TAF2: variants seen among roughly 807,000 people sequenced by gnomAD.
The protein encoded by TAF2 is TATA-box binding protein associated factor 2.
Under a neutral mutation model 138.5 loss-of-function variants are expected in TAF2, and 61 were observed. That is an observed-to-expected ratio of 0.44 (90% CI 0.36 to 0.54). The LOEUF (loss-of-function observed/expected upper bound fraction) is 0.54. Among genes scored for constraint, TAF2 ranks in the 20% least tolerant of loss-of-function variants. The pLI is 0.00. For missense variants in TAF2, 1,090 were observed against 1,427.9 expected, an observed-to-expected ratio of 0.76 and a Z score of 3.81; for synonymous variants, 475 against 469.9, an observed-to-expected ratio of 1.01 and a Z score of -0.14.
At chr8:119,826,064 G>T (rs1826078477) in intron 2 of TAF2, among the ~76,000 whole-genome samples, 1 of 151,808 alleles carries the variant, frequency 6.6e-6, no homozygotes, top group Non-Finnish European at 1.5e-5. Flanking sequence ...TGAATAATGA[G>T]AACACATGGA....
Position 119,806,350 on chromosome 8 carries a change from C to T in TAF2, c.351G>A (p.Val117=). The change falls in exon 4 of 26, where the codon GTG becomes GTA. Residue 117 remains valine (V), a synonymous_variant. Transcript: ENST00000378164. Reference sequence around the variant, plus strand: ...GTTCTCCATTTCCTGCATCAGGGTCCACAGCACTAACTGCAGCTGCATAAG... The same window carrying T: ...GTTCTCCATTTCCTGCATCAGGGTCTACAGCACTAACTGCAGCTGCATAAG... ...SNAYAAAVSA[V]DPDAGNGELC... 1 of 1,614,008 alleles carries T rather than the reference C, an allele frequency of 6.2e-7. No individual in the cohort carries two copies. The highest frequency in any genetic ancestry group is 8.5e-7 in the Non-Finnish European group (1 of 1,179,986).
At chr8:119,732,240 A>G (rs1818925802) in intron 25 of TAF2, 54 bp from the exon 26 acceptor site, 6 of 1,561,240 alleles carry the variant, frequency 3.8e-6, no homozygotes, top group Non-Finnish European at 5.3e-6. Context: ...GGAAAGCCAG[A>G]CTAAAGAAAG....
chr8:119,782,619 T>TA (rs983077138), intron 16 of TAF2, among the ~76,000 whole-genome samples: 7 of 152,188 alleles, frequency 4.6e-5, no homozygotes, highest in Admixed American at 1.3e-4. Flanking sequence ...ATCAAGTTTT[T>TA]AAAAAATACC....
intron 2 of TAF2, among the ~76,000 whole-genome samples, chr8:119,820,185 A>T (rs1298622682): frequency 6.6e-6 from 1 of 152,352 alleles, no homozygotes; most frequent in East Asian, 1.9e-4. Flanking sequence ...TCTTGTATTG[A>T]ATCAATGGGA....
At chr8:119,767,346 G>A (rs1334105584) in intron 18 of TAF2, among the ~76,000 whole-genome samples, 1 of 152,186 alleles carries the variant, frequency 6.6e-6, no homozygotes, top group African/African-American at 2.4e-5. Context: ...GGGAATCATG[G>A]AAAGCAGAGG....
chr8:119,797,054 T>G lies in TAF2; in HGVS notation c.1027A>C (p.Arg343=), dbSNP rs1823876370. The G allele has an allele frequency of 6.2e-7, 1 of 1,613,294 alleles. No individual in the cohort carries two copies. The highest frequency in any genetic ancestry group is 8.5e-7 in the Non-Finnish European group (1 of 1,179,488). ...AMIIDETPLT[R]RCLAQSLAQQ... is the part of the protein sequence containing the mutation. ...GCCAAGGATTGGGCTAAACACCTTCTAGTCAAAGGTGTCTCATCTATAATC... is the reference window on the plus strand; with the variant it reads ...GCCAAGGATTGGGCTAAACACCTTCGAGTCAAAGGTGTCTCATCTATAATC... The change falls in exon 8 of 26, where the codon AGA becomes CGA. Residue 343 remains arginine, a synonymous_variant. Coordinates refer to ENST00000378164, the MANE Select transcript of TAF2 (RefSeq NM_003184.4).
At chr8:119,743,421 T>C (rs373775077) in intron 24 of TAF2, among the ~76,000 whole-genome samples, 1 of 151,418 alleles carries the variant, frequency 6.6e-6, no homozygotes, top group Non-Finnish European at 1.5e-5. Flanking sequence ...GGAAAGGCAG[T>C]AGAACAGGAC....
intron 3 of TAF2, among the ~76,000 whole-genome samples, chr8:119,807,161 A>G (rs1408907613): frequency 1.3e-5 from 2 of 152,238 alleles, no homozygotes; most frequent in Admixed American, 1.3e-4. Context: ...ATGTAATAGC[A>G]CCTACCTCCA....
At position 119,762,408 on chromosome 8, in the gene TAF2, A is replaced by T. The variant is rs1821126297; in HGVS notation, c.2558+7T>A. On this transcript the variant is annotated splice_region_variant and intron_variant, in intron 19 of 25. Transcript: ENST00000378164. ...ATATAACTTTAAAGTAAGGAATTTA[A>T]TCATACCTGACAGTGATGGTATGCC... 6.2e-7 allele frequency: 1 copy of T among 1,612,034 alleles called. No individual in the cohort carries two copies. Among genetic ancestry groups the T allele is most frequent in the South Asian group, 1.1e-5 (1 of 90,994 alleles).
intron 3 of TAF2, among the ~76,000 whole-genome samples, chr8:119,807,874 A>G (rs1824772608): frequency 6.6e-6 from 1 of 152,202 alleles, no homozygotes; most frequent in Admixed American, 6.5e-5. Context: ...GTGAGCTGAG[A>G]TTGCACCACT....
intron 23 of TAF2, among the ~76,000 whole-genome samples, chr8:119,745,206 G>GC (rs1045834351): frequency 1.6e-4 from 24 of 151,778 alleles, no homozygotes; most frequent in African/African-American, 5.4e-4. Flanking sequence ...TGGTCTTTTT[G>GC]GGGGGAGAAG....
intron 22 of TAF2, 138 bp downstream of exon 22, chr8:119,755,868 G>A (rs954315630): frequency 3.2e-5 from 21 of 662,738 alleles, no homozygotes; most frequent in Non-Finnish European, 4.7e-5. Flanking sequence ...CCACTGTGAA[G>A]GTGTGATAGT....
At chr8:119,746,449 T>G (rs1386623537) in intron 23 of TAF2, among the ~76,000 whole-genome samples, 1 of 150,092 alleles carries the variant, frequency 6.7e-6, no homozygotes, top group African/African-American at 2.5e-5. Context: ...TATGCTCAAG[T>G]ATAAAAAAAA....
In TAF2 at chr8:119,807,315, TACG is replaced by T. The variant is rs566415317; in HGVS notation, c.300-917_300-915del. Among the ~76,000 whole-genome samples the T allele has an allele frequency of 1.6e-3, 238 of 152,322 alleles. 2 individuals carry two copies. Among genetic ancestry groups the T allele is most frequent in the African/African-American group, 4.9e-3 (203 of 41,578 alleles). ...CTTATTTCCCATTTGATGAAAACAATACGATGAAGTCTTACAGAAACGTGAAAA... is the reference window on the plus strand; with the variant it reads ...CTTATTTCCCATTTGATGAAAACAATATGAAGTCTTACAGAAACGTGAAAA... On this transcript the variant is annotated intron_variant, in intron 3 of 25. Transcript: ENST00000378164.
intron 3 of TAF2, among the ~76,000 whole-genome samples, chr8:119,807,905 G>C (rs1164883216): frequency 1.3e-5 from 2 of 152,128 alleles, no homozygotes; most frequent in African/African-American, 4.8e-5. Flanking sequence ...CTGGGCAACA[G>C]AGTGAGACTT....
intron 16 of TAF2, among the ~76,000 whole-genome samples, chr8:119,782,242 T>C (rs1376208912): frequency 2.0e-5 from 3 of 152,222 alleles, no homozygotes; most frequent in Non-Finnish European, 2.9e-5. Flanking sequence ...GCTGTAAGCA[T>C]GCTTTACAAA....
chr8:119,821,740 T>C (rs761562784), intron 2 of TAF2, among the ~76,000 whole-genome samples: 1 of 152,156 alleles, frequency 6.6e-6, no homozygotes, highest in Non-Finnish European at 1.5e-5. Flanking sequence ...CTATTAGTGT[T>C]ATTATGACAA....
chr8:119,783,444 A>G lies in TAF2; in HGVS notation c.2049T>C (p.Asp683=). The change falls in exon 16 of 26, where the codon GAT becomes GAC. Residue 683 remains aspartate, a synonymous_variant. Coordinates refer to ENST00000378164, the MANE Select transcript of TAF2 (RefSeq NM_003184.4). ...AGAAACACTGCTCTTGTTCTAATAT[A>G]TCAGTGAGTGCAAGCCGAGATGCTG... The part of the protein sequence containing the change: ...PTPASRLALT[D]ILEQEQCFYR... The G allele has an allele frequency of 3.1e-6, 5 of 1,614,184 alleles. No individual in the cohort carries two copies. Among genetic ancestry groups the G allele is most frequent in the African/African-American group, 1.3e-5 (1 of 75,060 alleles).
At chr8:119,748,238 A>G (rs1197720078) in intron 22 of TAF2, among the ~76,000 whole-genome samples, 1 of 152,042 alleles carries the variant, frequency 6.6e-6, no homozygotes, top group Non-Finnish European at 1.5e-5. Context: ...AAAAGGAGAA[A>G]CAAAAAGGAA....
Sources: allele counts gnomAD v4.1 joint callset (sites outside exome capture counted in the v4.1 genomes callset), GRCh38; gene constraint gnomAD v4.1.1; transcripts MANE v1.5; gene names NCBI Gene and HGNC (gene_info 2026-07-23, HGNC 2026-07-21).